Variants in MEFV observed in about 807,000 individuals in gnomAD.
The protein encoded by MEFV is pyrin.
In MEFV, 60 loss-of-function variants were observed where a neutral mutation model predicts 62.5. The observed-to-expected ratio is 0.96, with a 90% CI of 0.78 to 1.19. MEFV has a LOEUF of 1.19. MEFV is among the 50% of genes most tolerant of loss of function. MEFV has a pLI of 0.00. For missense variants in MEFV, 1,169 were observed against 1,004.5 expected (o/e 1.16, Z -2.21); for synonymous variants, 500 against 415.2 (o/e 1.20, Z -2.48).
chr16:3,254,103 C>A (rs1386660262), intron 2 of MEFV, 55 bp downstream of exon 2: 1 of 1,592,254 alleles, frequency 6.3e-7, no homozygotes, highest in Non-Finnish European at 8.6e-7. Flanking sequence ...CTATCGTGCC[C>A]GGCCAGCCAT....
At chr16:3,247,314 C>A in intron 4 of MEFV, 68 bp from the exon 5 acceptor site, 2 of 1,421,062 alleles carry the variant, frequency 1.4e-6, no homozygotes, top group Non-Finnish European at 2.0e-6. Flanking sequence ...CCAGGAACCC[C>A]CAGAAGCCCA....
chr16:3,252,688 T>C (rs1242650191), intron 2 of MEFV, among the ~76,000 whole-genome samples: 1 of 151,082 alleles, frequency 6.6e-6, no homozygotes, highest in Admixed American at 6.6e-5. Context: ...CCTGAAATCC[T>C]AGCACTTTTA....
At chr16:3,250,786 G>C (rs1192460674) in intron 2 of MEFV, among the ~76,000 whole-genome samples, 1 of 151,508 alleles carries the variant, frequency 6.6e-6, no homozygotes, top group African/African-American at 2.4e-5. Context: ...AGCACTTTGG[G>C]AGGCCGAGGC....
At position 3,249,524 on chromosome 16, in the gene MEFV, A is replaced by G. The variant is rs1958999165; in HGVS notation, c.1167T>C (p.Asp389=). Residue 389 remains aspartate, a synonymous_variant, in exon 3 of 10, where the codon GAT becomes GAC. Coordinates refer to ENST00000219596, the MANE Select transcript of MEFV (RefSeq NM_000243.3). ...AGATGAGGCAGATGGGCTCATCGTG[A>G]TCCTCACAGAAGAGCAGCTGGACCT... ...LKQVQLLFCE[D]HDEPICLICS... is the part of the protein sequence containing the mutation. 1.9e-6 allele frequency: 3 copies of G among 1,614,046 alleles called. No individual in the cohort carries two copies. The highest frequency in any genetic ancestry group is 2.5e-6 in the Non-Finnish European group (3 of 1,180,024).
chr16:3,246,290 G>A, intron 6 of MEFV: 1 of 580,548 alleles, frequency 1.7e-6, no homozygotes, highest in Non-Finnish European at 3.1e-6. Context: ...AGCAGGATGG[G>A]CTGAATTCAC....
chr16:3,246,811 G>C (rs1958949530), intron 5 of MEFV, among the ~76,000 whole-genome samples: 1 of 152,186 alleles, frequency 6.6e-6, no homozygotes, highest in Non-Finnish European at 1.5e-5. Context: ...GAGATCCCCT[G>C]GATACCAGGC....
Position 3,249,385 on chromosome 16 carries a change from G to A in MEFV, c.1260+46C>T, listed in dbSNP as rs772834031. The A allele has an allele frequency of 3.9e-6, 6 of 1,545,304 alleles. No individual in the cohort carries two copies. The South Asian group carries it at 6.7e-5, about 17-fold the overall frequency. ...GGGAAAATGAAGTAAGGCCCAGTGT[G>A]TCCAAGTGCCTGGCAGAGAAGAGCC... On this transcript the variant is annotated intron_variant, in intron 3 of 9. Coordinates refer to ENST00000219596, the MANE Select transcript of MEFV (RefSeq NM_000243.3).
At chr16:3,247,966 C>CA (rs1345212821) in intron 4 of MEFV, 1 of 125,352 alleles carries the variant, frequency 8.0e-6, no homozygotes, top group African/African-American at 3.0e-5. Context: ...CCCTAAAAAA[C>CA]AAAAAAACCA....
At chr16:3,250,536 G>C (rs1959016058) in intron 2 of MEFV, among the ~76,000 whole-genome samples, 1 of 151,802 alleles carries the variant, frequency 6.6e-6, no homozygotes, top group Non-Finnish European at 1.5e-5. Context: ...TTGAACCTAG[G>C]AGGTTGATGC....
rs763288390 is a variant in MEFV at position 3,246,540 on chromosome 16, C to G, written c.1595G>C (p.Gly532Ala). 1.2e-6 allele frequency: 2 copies of G among 1,614,100 alleles called. No homozygotes were observed. Among genetic ancestry groups the G allele is most frequent in the Non-Finnish European group, 1.7e-6 (2 of 1,180,002 alleles). The change falls in exon 6 of 10, where the codon GGA becomes GCA. Residue 532 changes from glycine (G) to alanine (A), a missense_variant. Gly to Ala is a moderately conservative substitution (Grantham distance 60). Coordinates refer to ENST00000219596, the MANE Select transcript of MEFV (RefSeq NM_000243.3). Reference sequence around the variant, plus strand: ...CTCGCTGTACCTGTGCAAGATGTCTCCAATGTCCTAGGAGAAAAAAGAAGG... The same window carrying G: ...CTCGCTGTACCTGTGCAAGATGTCTGCAATGTCCTAGGAGAAAAAAGAAGG... ...QSEWELLQDIGDILHRAKTVP... is the reference protein window; with the variant it reads ...QSEWELLQDIADILHRAKTVP...
At position 3,243,257 on chromosome 16, in the gene MEFV, C is replaced by T. The variant is rs61732874; in HGVS notation, c.2230G>A (p.Ala744Thr). ...AGGGGCCCAGAGAAAGAGCAGCTGG[C>T]GAATGTATAGATGTGGGATCTGGCT... ...VTARSHIYTF[A>T]SCSFSGPLQP... Residue 744 changes from alanine to threonine, a missense_variant, in exon 10 of 10, where the codon GCC becomes ACC. Ala to Thr is a moderately conservative substitution (Grantham distance 58, BLOSUM62 0). Coordinates refer to ENST00000219596, the MANE Select transcript of MEFV (RefSeq NM_000243.3). 11 of 1,614,098 alleles carry T rather than the reference C, an allele frequency of 6.8e-6. No homozygotes were observed. Among genetic ancestry groups the T allele is most frequent in the Middle Eastern group, 1.6e-4 (1 of 6,062 alleles).
intron 1 of MEFV, among the ~76,000 whole-genome samples, chr16:3,256,108 G>A (rs1332537206): frequency 6.6e-6 from 1 of 152,146 alleles, no homozygotes; most frequent in Non-Finnish European, 1.5e-5. Flanking sequence ...AAACCCATTA[G>A]GAGCCTGAAG....
At position 3,243,175 on chromosome 16, in the gene MEFV, G is replaced by C; in HGVS notation, c.2312C>G (p.Thr771Ser). The C allele has an allele frequency of 1.2e-6, 2 of 1,613,952 alleles. No individual in the cohort carries two copies. The highest frequency in any genetic ancestry group is 1.7e-6 in the Non-Finnish European group (2 of 1,180,022). ...RDGGKNTAPL[T>S]ICPVGGQGPD is the part of the protein sequence containing the mutation. ...CCCCTGACCACCCACTGGACAGATAGTCAGAGGAGCTGTGTTCTTCCCTCC... is the reference window on the plus strand; with the variant it reads ...CCCCTGACCACCCACTGGACAGATACTCAGAGGAGCTGTGTTCTTCCCTCC... The change falls in exon 10 of 10, where the codon ACT (threonine) becomes AGT (serine). Residue 771 changes from threonine (T) to serine (S), a missense_variant. By Grantham distance (58) the Thr-to-Ser change is moderately conservative. Coordinates refer to ENST00000219596, the MANE Select transcript of MEFV (RefSeq NM_000243.3).
At chr16:3,248,263 A>T (rs1958974930) in intron 4 of MEFV, among the ~76,000 whole-genome samples, 1 of 151,736 alleles carries the variant, frequency 6.6e-6, no homozygotes, top group East Asian at 1.9e-4. Context: ...CATCTTGGAA[A>T]CAAAACAAAA....
chr16:3,255,831 G>T (rs949760905), intron 1 of MEFV, among the ~76,000 whole-genome samples: 1 of 152,094 alleles, frequency 6.6e-6, no homozygotes, highest in Non-Finnish European at 1.5e-5. Flanking sequence ...GCCGGGCACG[G>T]TGGCCTATGT....
intron 2 of MEFV, among the ~76,000 whole-genome samples, chr16:3,249,999 A>G (rs1175269389): frequency 2.0e-5 from 3 of 152,196 alleles, no homozygotes; most frequent in Non-Finnish European, 4.4e-5. Flanking sequence ...GACATTCCTG[A>G]GCCTTGGAAT....
chr16:3,252,731 A>T (rs1466052430), intron 2 of MEFV, among the ~76,000 whole-genome samples: 7 of 151,164 alleles, frequency 4.6e-5, no homozygotes, highest in African/African-American at 1.7e-4. Flanking sequence ...TGAGCCCAAG[A>T]GTTCAAAACC....
At chr16:3,252,315 C>T (rs576038840) in intron 2 of MEFV, among the ~76,000 whole-genome samples, 2 of 150,684 alleles carry the variant, frequency 1.3e-5, no homozygotes, top group African/African-American at 4.9e-5. Context: ...CTCTTGTCGC[C>T]CAGGCTAGAG....
chr16:3,252,879 G>A lies in MEFV; in HGVS notation c.910+1279C>T, dbSNP rs1000771273. ...GTGGGAGGATCGCTTGAGCCTAGGA[G>A]GTTGAGGCTGCAGTAAACTGTGCTC... On this transcript the variant is annotated intron_variant, in intron 2 of 9. Transcript: ENST00000219596. Among the ~76,000 whole-genome samples, 10 of 148,596 alleles carry A rather than the reference G, an allele frequency of 6.7e-5. No homozygotes were observed. In the Admixed American group the frequency reaches 6.8e-4, roughly 10 times the overall value.
Sources: allele counts gnomAD v4.1 joint callset (sites outside exome capture counted in the v4.1 genomes callset), GRCh38; gene constraint gnomAD v4.1.1; transcripts MANE v1.5; gene names NCBI Gene and HGNC (gene_info 2026-07-23, HGNC 2026-07-21).